The following KIAA1217 variants were observed in gnomAD, a reference collection of about 807,000 sequenced individuals.
KIAA1217 encodes sickle tail protein homolog.
Under a neutral mutation model 163.9 loss-of-function variants are expected in KIAA1217, and 88 were observed. The ratio of observed to expected loss-of-function variants is 0.54; its 90% CI spans 0.45 to 0.64. The LOEUF (loss-of-function observed/expected upper bound fraction) is 0.64. KIAA1217 is among the 30% of genes least tolerant of loss of function. The pLI is 0.00. For missense variants in KIAA1217, 2,372 were observed against 2,475.0 expected, an observed-to-expected ratio of 0.96 and a Z score of 0.88; for synonymous variants, 903 against 923.1, an observed-to-expected ratio of 0.98 and a Z score of 0.39.
chr10:23,984,902 C>T (rs1042972308), intron 1 of KIAA1217, among the ~76,000 whole-genome samples: 1 of 151,192 alleles, frequency 6.6e-6, no homozygotes, highest in Non-Finnish European at 1.5e-5. Flanking sequence ...ATGTTTGGCA[C>T]ATGTATCCCA....
At chr10:24,512,316 G>T (rs1367057900) in intron 9 of KIAA1217, among the ~76,000 whole-genome samples, 1 of 152,138 alleles carries the variant, frequency 6.6e-6, no homozygotes, top group Non-Finnish European at 1.5e-5. Flanking sequence ...TTTGTTAAAT[G>T]ATATTTCAGT....
intron 2 of KIAA1217, among the ~76,000 whole-genome samples, chr10:24,315,236 G>A (rs1473058624): frequency 1.3e-5 from 2 of 152,116 alleles, no homozygotes; most frequent in South Asian, 2.1e-4. Flanking sequence ...GAAAATCAAC[G>A]CTGCTACACC....
intron 1 of KIAA1217, among the ~76,000 whole-genome samples, chr10:23,856,939 A>T (rs1420017153): frequency 1.3e-5 from 2 of 152,158 alleles, no homozygotes; most frequent in Non-Finnish European, 2.9e-5. Context: ...TAGGAAAGGG[A>T]ACTCCCTGAC....
At chr10:24,260,207 T>C (rs1214192800) in intron 2 of KIAA1217, among the ~76,000 whole-genome samples, 1 of 152,048 alleles carries the variant, frequency 6.6e-6, no homozygotes, top group African/African-American at 2.4e-5. Context: ...AAAAACAAAG[T>C]TGAGAGTCAG....
At chr10:24,240,829 A>G (rs560585855) in intron 2 of KIAA1217, among the ~76,000 whole-genome samples, 23 of 152,116 alleles carry the variant, frequency 1.5e-4, no homozygotes, top group African/African-American at 5.1e-4. Flanking sequence ...ACAAGTAATG[A>G]CTAGCAGTCA....
chr10:24,454,158 C>T (rs959913320), intron 5 of KIAA1217, among the ~76,000 whole-genome samples: 3 of 152,128 alleles, frequency 2.0e-5, no homozygotes, highest in East Asian at 3.9e-4. Context: ...CGATCAGCAT[C>T]GTACTATTTG....
intron 1 of KIAA1217, among the ~76,000 whole-genome samples, chr10:24,216,141 G>A (rs2068785506): frequency 6.6e-6 from 1 of 152,150 alleles, no homozygotes; most frequent in African/African-American, 2.4e-5. Flanking sequence ...GTAAGTCAGG[G>A]CTGCTCAAAG....
chr10:23,717,445 A>G (rs1837640106), intron 1 of KIAA1217, among the ~76,000 whole-genome samples: 1 of 152,096 alleles, frequency 6.6e-6, no homozygotes, highest in Admixed American at 6.6e-5. Context: ...TTGCCACTGG[A>G]GAACTCACAA....
intron 5 of KIAA1217, among the ~76,000 whole-genome samples, chr10:24,444,048 G>A (rs543997792): frequency 5.3e-5 from 8 of 151,966 alleles, no homozygotes; most frequent in Admixed American, 1.3e-4. Context: ...GTCTCACTCT[G>A]TCACCGGGCT....
intron 2 of KIAA1217, among the ~76,000 whole-genome samples, chr10:24,021,040 T>C (rs1847709893): frequency 6.6e-6 from 1 of 151,974 alleles, no homozygotes; most frequent in Admixed American, 6.6e-5. Flanking sequence ...AATTTAGCAA[T>C]GATGTCAACA....
At chr10:23,933,608 C>A (rs578184429) in intron 1 of KIAA1217, among the ~76,000 whole-genome samples, 18 of 152,162 alleles carry the variant, frequency 1.2e-4, no homozygotes, top group South Asian at 2.1e-4. Flanking sequence ...AGCAGGCACC[C>A]TACAGAATGG....
chr10:24,110,617 A>C (rs77432846), intron 2 of KIAA1217, among the ~76,000 whole-genome samples: 1 of 148,510 alleles, frequency 6.7e-6, no homozygotes, highest in East Asian at 1.9e-4. Context: ...AAAAAAAAAA[A>C]CTCAAAATGT....
chr10:24,038,651 T>TG (rs1321048997), intron 2 of KIAA1217, among the ~76,000 whole-genome samples: 2 of 151,864 alleles, frequency 1.3e-5, no homozygotes, highest in African/African-American at 4.8e-5. Context: ...ATCCAGTAGT[T>TG]GCTAGCACCG....
chr10:23,768,759 G>A (rs1326557358), intron 1 of KIAA1217, among the ~76,000 whole-genome samples: 3 of 152,142 alleles, frequency 2.0e-5, no homozygotes, highest in Non-Finnish European at 2.9e-5. Context: ...CCAGAGATGG[G>A]TTCAAGGATT....
chr10:23,790,457 G>A (rs181367662), intron 1 of KIAA1217, among the ~76,000 whole-genome samples: 1 of 94,746 alleles, frequency 1.1e-5, no homozygotes, highest in East Asian at 2.5e-4. Flanking sequence ...ATATACATGT[G>A]CATATATACA....
At chr10:24,237,394 C>T (rs1384592023) in intron 2 of KIAA1217, among the ~76,000 whole-genome samples, 1 of 152,220 alleles carries the variant, frequency 6.6e-6, no homozygotes, top group Non-Finnish European at 1.5e-5. Flanking sequence ...ACTGAGGAAA[C>T]GGTTAATGGA....
chr10:23,913,816 G>A (rs897000293), intron 1 of KIAA1217, among the ~76,000 whole-genome samples: 6 of 152,132 alleles, frequency 3.9e-5, no homozygotes, highest in Non-Finnish European at 7.4e-5. Context: ...ACAATCCCAT[G>A]GGGGAGTCTC....
chr10:23,985,840 A>G (rs1438535793), intron 1 of KIAA1217, among the ~76,000 whole-genome samples: 1 of 152,150 alleles, frequency 6.6e-6, no homozygotes, highest in Non-Finnish European at 1.5e-5. Context: ...ACTGTCATTC[A>G]GAATTTCCAA....
chr10:24,362,495 C>T (rs190636522), intron 2 of KIAA1217, among the ~76,000 whole-genome samples: 1 of 152,256 alleles, frequency 6.6e-6, no homozygotes, highest in East Asian at 1.9e-4. Flanking sequence ...AAGGCTTTGG[C>T]GATTAGATCT....
Sources: allele counts gnomAD v4.1 joint callset (sites outside exome capture counted in the v4.1 genomes callset), GRCh38; gene constraint gnomAD v4.1.1; transcripts MANE v1.5; gene names NCBI Gene and HGNC (gene_info 2026-07-23, HGNC 2026-07-21).